Variants in PLEKHA5 observed in about 807,000 individuals in gnomAD.
PLEKHA5 encodes the protein pleckstrin homology domain-containing family A member 5.
A neutral mutation model predicts 181.9 loss-of-function variants in PLEKHA5; 55 were observed. That is an observed-to-expected ratio of 0.30 (90% CI 0.24 to 0.38). The LOEUF (loss-of-function observed/expected upper bound fraction) is 0.38, where lower values mean the gene tolerates loss of function less well. Ranked by LOEUF, PLEKHA5 falls within the 10% of genes least tolerant of loss-of-function variation. The pLI, the probability that PLEKHA5 is intolerant of heterozygous loss-of-function variation, is 1.00. For missense variants in PLEKHA5, 1,432 were observed against 1,549.5 expected, an observed-to-expected ratio of 0.92 and a Z score of 1.27; for synonymous variants, 535 against 529.4, an observed-to-expected ratio of 1.01 and a Z score of -0.15.
chr12:19,258,277 G>T (rs1033282598), intron 6 of PLEKHA5, among the ~76,000 whole-genome samples: 2 of 152,104 alleles, frequency 1.3e-5, no homozygotes, highest in African/African-American at 4.8e-5. Flanking sequence ...CTAGGTTTCA[G>T]ATAAGTGACT....
intron 26 of PLEKHA5, among the ~76,000 whole-genome samples, chr12:19,356,714 G>A (rs1031637897): frequency 5.6e-5 from 7 of 125,812 alleles, no homozygotes. Context: ...TCGCCCAGGT[G>A]CAATGGCGTG....
At chr12:19,326,321 A>G (rs2092078451) in intron 20 of PLEKHA5, among the ~76,000 whole-genome samples, 1 of 152,226 alleles carries the variant, frequency 6.6e-6, no homozygotes, top group Non-Finnish European at 1.5e-5. Flanking sequence ...GCACTCAGTG[A>G]ATGTTGATTA....
intron 15 of PLEKHA5, chr12:19,306,505 G>T: frequency 1.4e-6 from 1 of 720,200 alleles, no homozygotes; most frequent in South Asian, 1.4e-5. Flanking sequence ...CTGTGTGTTT[G>T]ATGTGTTGAA....
rs905725409 is a variant in PLEKHA5, at chr12:19,255,236, C to T, written c.432+71C>T. ...TATCTATACCGTTACTCATAATGGA[C>T]TTAAAAGTATAGAATAATAATTACA... On this transcript the variant is annotated intron_variant, in intron 5 of 31. Transcript: ENST00000429027. The T allele has an allele frequency of 5.6e-6, 5 of 894,056 alleles. No homozygotes were observed. The Admixed American group carries it at 1.4e-4, about 26-fold the overall frequency. The allele number at this position is 894,056 out of a possible 1,614,324, so 55.4% of individuals were successfully genotyped here. A position where few individuals can be genotyped will look rare whatever the true frequency, so the allele number is the denominator to read the frequency against.
At chr12:19,274,087 C>T (rs970143852) in intron 10 of PLEKHA5, among the ~76,000 whole-genome samples, 9 of 152,200 alleles carry the variant, frequency 5.9e-5, no homozygotes, top group African/African-American at 2.2e-4. Flanking sequence ...TTTCCTGTTG[C>T]AGCCATTTCC....
intron 20 of PLEKHA5, among the ~76,000 whole-genome samples, chr12:19,328,515 C>T (rs1326096581): frequency 6.6e-6 from 1 of 150,842 alleles, no homozygotes; most frequent in Non-Finnish European, 1.5e-5. Flanking sequence ...TGTAGTTCTT[C>T]CTATAGACAT....
At chr12:19,350,630 G>T (rs1007190822) in intron 25 of PLEKHA5, among the ~76,000 whole-genome samples, 6 of 152,098 alleles carry the variant, frequency 3.9e-5, no homozygotes, top group African/African-American at 1.4e-4. Context: ...TTAGCCAGGT[G>T]TGGTGGCGGG....
Position 19,343,431 on chromosome 12 carries a change from A to G in PLEKHA5, c.2659A>G (p.Ile887Val), listed in dbSNP as rs1324084263. The G allele has an allele frequency of 2.6e-6, 4 of 1,559,620 alleles. No homozygotes were observed. Among genetic ancestry groups the G allele is most frequent in the Non-Finnish European group, 2.7e-6 (3 of 1,130,644 alleles). ...TAAGCAGCAAAGAGGTACTACAGAAATAGGTAAATTAGCTTTGCATTTTAT... is the reference window on the plus strand; with the variant it reads ...TAAGCAGCAAAGAGGTACTACAGAAGTAGGTAAATTAGCTTTGCATTTTAT... The part of the protein sequence containing the change: ...KHKQQRGTTE[I>V]GMIGSKPFST... Residue 887 changes from isoleucine to valine, a missense_variant, in exon 22 of 32, where the codon ATA becomes GTA. Coordinates refer to ENST00000429027, the MANE Select transcript of PLEKHA5 (RefSeq NM_001256470.2).
chr12:19,182,493 A>G (rs1327525036), intron 3 of PLEKHA5, among the ~76,000 whole-genome samples: 3 of 152,196 alleles, frequency 2.0e-5, no homozygotes, highest in Non-Finnish European at 4.4e-5. Context: ...TGTCCATGTT[A>G]TTTGTAATTT....
chr12:19,203,273 T>G (rs894637179), intron 3 of PLEKHA5, among the ~76,000 whole-genome samples: 7 of 152,074 alleles, frequency 4.6e-5, no homozygotes, highest in Non-Finnish European at 1.0e-4. Context: ...CTCATTTACC[T>G]GTTTTTCTGT....
chr12:19,335,005 ACT>A, intron 20 of PLEKHA5, among the ~76,000 whole-genome samples: 1 of 116,754 alleles, frequency 8.6e-6, no homozygotes, highest in Middle Eastern at 4.5e-3. Context: ...AAAAAAAAAG[ACT>A]GGCAAGATAG....
chr12:19,334,829 AATATATATATATATAT>A lies in PLEKHA5; in HGVS notation c.2449-1661_2449-1646del, dbSNP rs56763101. ...AAATCCTGTCTTCACAAAAAAAAAA[AATATATATATATATAT>A]ATATATATATATATATATATATATC... On this transcript the variant is annotated intron_variant, in intron 20 of 31. Transcript: ENST00000429027. 8.1e-4 allele frequency among the ~76,000 whole-genome samples: 15 copies of A among 18,600 alleles called. 2 individuals carry two copies. Among genetic ancestry groups the A allele is most frequent in the African/African-American group, 1.8e-3 (15 of 8,206 alleles). 12.2% of individuals were successfully genotyped at this position (18,600 alleles called of 152,430 possible).
At chr12:19,359,161 C>T (rs1565661360) in intron 27 of PLEKHA5, among the ~76,000 whole-genome samples, 2 of 152,102 alleles carry the variant, frequency 1.3e-5, no homozygotes, top group Non-Finnish European at 2.9e-5. Flanking sequence ...CTAATGGAGA[C>T]TAAACAAAGC....
Position 19,297,856 on chromosome 12 carries a change from T to G in PLEKHA5, c.2037+6159T>G, listed in dbSNP as rs536679694. Reference sequence around the variant, plus strand: ...AGAGTCAGCACCTATATATGTGTCTTTTTATCAGTACATTTTTTAAAAAAC... The same window carrying G: ...AGAGTCAGCACCTATATATGTGTCTGTTTATCAGTACATTTTTTAAAAAAC... On this transcript the variant is annotated intron_variant, in intron 15 of 31. Coordinates refer to ENST00000429027, the MANE Select transcript of PLEKHA5 (RefSeq NM_001256470.2). Among the ~76,000 whole-genome samples the G allele has an allele frequency of 3.9e-5, 6 of 152,034 alleles. No individual in the cohort carries two copies. The South Asian group carries it at 6.2e-4, about 16-fold the overall frequency.
At chr12:19,280,735 CT>C (rs538185835) in intron 11 of PLEKHA5, among the ~76,000 whole-genome samples, 194 of 142,862 alleles carry the variant, frequency 1.4e-3, no homozygotes, top group Admixed American at 1.4e-3. Context: ...TTTTCTTTTT[CT>C]TTTTTTTTTT....
intron 15 of PLEKHA5, among the ~76,000 whole-genome samples, chr12:19,312,714 C>T (rs990509272): frequency 6.6e-6 from 1 of 152,216 alleles, no homozygotes; most frequent in Non-Finnish European, 1.5e-5. Flanking sequence ...AAACTTTCTC[C>T]CTATTAGCAG....
chr12:19,168,318 A>T (rs1179556506), intron 3 of PLEKHA5, among the ~76,000 whole-genome samples: 1 of 152,150 alleles, frequency 6.6e-6, no homozygotes, highest in African/African-American at 2.4e-5. Context: ...AGTTGGTGGA[A>T]AAAATATTAT....
intron 4 of PLEKHA5, among the ~76,000 whole-genome samples, chr12:19,254,332 C>T (rs1592218880): frequency 2.0e-5 from 3 of 152,064 alleles, no homozygotes; most frequent in Non-Finnish European, 4.4e-5. Context: ...CTTTTCTCAT[C>T]CTTAAATCAG....
chr12:19,236,146 C>T (rs1258570034), intron 3 of PLEKHA5, among the ~76,000 whole-genome samples: 3 of 152,178 alleles, frequency 2.0e-5, no homozygotes, highest in East Asian at 1.9e-4. Context: ...TTATTTCCTT[C>T]TGTTGAATAA....
Sources: allele counts gnomAD v4.1 joint callset (sites outside exome capture counted in the v4.1 genomes callset), GRCh38; gene constraint gnomAD v4.1.1; transcripts MANE v1.5; gene names NCBI Gene and HGNC (gene_info 2026-07-23, HGNC 2026-07-21).